The following CASKIN2 variants were observed in gnomAD, a reference collection of about 807,000 sequenced individuals.
CASKIN2 encodes the protein CASK interacting protein 2, also known as caskin-2.
Under a neutral mutation model 107.1 loss-of-function variants are expected in CASKIN2, and 41 were observed. That is an observed-to-expected ratio of 0.38 (90% CI 0.30 to 0.50). The LOEUF is 0.50. CASKIN2 is among the 20% of genes least tolerant of loss of function. The probability of loss-of-function intolerance (pLI) is 0.92; values close to 1 mark genes in which losing one functional copy is unlikely to be tolerated. For synonymous variants in CASKIN2, 724 were observed against 705.6 expected (o/e 1.03, Z -0.41); for missense variants, 1,546 against 1,657.4 (o/e 0.93, Z 1.17).
Position 75,502,401 on chromosome 17 carries a change from C to T in CASKIN2, c.2673G>A (p.Glu891=), listed in dbSNP as rs774665268. 4 of 1,478,740 alleles carry T rather than the reference C, an allele frequency of 2.7e-6. No individual in the cohort carries two copies. Among genetic ancestry groups the T allele is most frequent in the Non-Finnish European group, 3.6e-6 (4 of 1,116,168 alleles). The allele number at this position is 1,478,740 out of a possible 1,614,324, so 91.6% of individuals were successfully genotyped here. The part of the protein sequence containing the change: ...GPSPEPPPLD[E]SPGPKEGATG... Reference sequence around the variant, plus strand: ...TGGCCCCTTCCTTGGGCCCTGGGCTCTCATCTAGTGGAGGTGGCTCCGGGC... The same window carrying T: ...TGGCCCCTTCCTTGGGCCCTGGGCTTTCATCTAGTGGAGGTGGCTCCGGGC... The change falls in exon 18 of 20, where the codon GAG becomes GAA. Residue 891 remains glutamate, a synonymous_variant. Transcript: ENST00000321617. This position sits in a 1 kb window ranked among gnomAD's most constrained non-coding sequence, Gnocchi z 4.3.
chr17:75,501,417 G>A (rs990668912), intron 19 of CASKIN2, 51 bp downstream of exon 19: 1 of 1,551,966 alleles, frequency 6.4e-7, no homozygotes, highest in Non-Finnish European at 8.8e-7. Context: ...AGGATGCAGG[G>A]AGCACTGTTT....
Position 75,504,410 on chromosome 17 carries a change from C to A in CASKIN2, c.1375+10G>T, listed in dbSNP as rs777325935. On this transcript the variant is annotated intron_variant, in intron 13 of 19. Coordinates refer to ENST00000321617, the MANE Select transcript of CASKIN2 (RefSeq NM_020753.5). ...CTCCTAGCCAACCCAGGTCCCCTGA[C>A]CCTTCCTACCTGCCAGGGACGGCGG... 1 of 1,606,184 alleles carries A rather than the reference C, an allele frequency of 6.2e-7. No individual in the cohort carries two copies. The highest frequency in any genetic ancestry group is 1.1e-5 in the South Asian group (1 of 90,672).
At position 75,502,511 on chromosome 17, in the gene CASKIN2, G is replaced by C; in HGVS notation, c.2563C>G (p.Arg855Gly). 6.8e-7 allele frequency: 1 copy of C among 1,473,592 alleles called. No homozygotes were observed. The highest frequency in any genetic ancestry group is 9.0e-7 in the Non-Finnish European group (1 of 1,107,560). 91.3% of individuals were successfully genotyped at this position (1,473,592 alleles called of 1,614,324 possible). The stretch of plus-strand genomic sequence containing the variant: ...GCCCGCAGGGCAAAGGACTGGCTGC[G>C]AGGAGTCCCCCGAGCTGGGGTTGGG... ...VTPTPARGTP[R>G]SQSFALRARR... is the part of the protein sequence containing the mutation. Residue 855 changes from arginine to glycine, a missense_variant, in exon 18 of 20, where the codon CGC becomes GGC. Around this residue, in one of 6 missense-constraint regions of CASKIN2, gnomAD observed 1,311 missense variants for 1,311.0 expected, o/e 1.00. Coordinates refer to ENST00000321617, the MANE Select transcript of CASKIN2 (RefSeq NM_020753.5). The surrounding 1 kb of genome is among the most constrained non-coding windows in gnomAD (Gnocchi z 4.3).
rs1241059895 is a variant in CASKIN2 at position 75,501,096 on chromosome 17, T to C, written c.3593A>G (p.Asp1198Gly). 1 of 1,579,830 alleles carries C rather than the reference T, an allele frequency of 6.3e-7. No individual in the cohort carries two copies. Among genetic ancestry groups the C allele is most frequent in the East Asian group, 2.3e-5 (1 of 43,180 alleles). Residue 1198 changes from aspartate (D) to glycine (G), a missense_variant, in exon 20 of 20, where the codon GAC becomes GGC. This residue lies in a region of CASKIN2 where 1,311 missense variants were observed against 1,311.0 expected (regional missense o/e 1.00). Transcript: ENST00000321617. ...TMFDALADQLDAMLD is the reference protein window; with the variant it reads ...TMFDALADQLGAMLD ...CTGGAGGGCTCAGTCCAGCATGGCG[T>C]CCAGCTGGTCAGCCAGGGCGTCGAA...
In CASKIN2 at chr17:75,508,224, T is replaced by A; in HGVS notation, c.146+10A>T. ...AGCAGCTCTGCAGAGGGACAGGGGC[T>A]CCCACTCACCCATCAGCATCCTGGT... is the stretch of plus-strand genomic sequence containing the variant. On this transcript the variant is annotated intron_variant, in intron 3 of 19. Coordinates refer to ENST00000321617, the MANE Select transcript of CASKIN2 (RefSeq NM_020753.5). 1.2e-6 allele frequency: 2 copies of A among 1,613,446 alleles called. No homozygotes were observed. Among genetic ancestry groups the A allele is most frequent in the South Asian group, 2.2e-5 (2 of 91,024 alleles).
Position 75,505,817 on chromosome 17 carries a change from T to G in CASKIN2, c.835+4A>C. On this transcript the variant is annotated splice_donor_region_variant and intron_variant, in intron 9 of 19. Coordinates refer to ENST00000321617, the MANE Select transcript of CASKIN2 (RefSeq NM_020753.5). The surrounding 1 kb of genome is among the most constrained non-coding windows in gnomAD (Gnocchi z 5.1). The stretch of plus-strand genomic sequence containing the variant: ...CTGGGCAGGGTATCCTCCCCCGCAC[T>G]CACCCCGCAGTAGCTGCTTGATTTC... 1 of 1,611,600 alleles carries G rather than the reference T, an allele frequency of 6.2e-7. No homozygotes were observed. Among genetic ancestry groups the G allele is most frequent in the East Asian group, 2.2e-5 (1 of 44,802 alleles).
rs1252536496 is a variant in CASKIN2, at chr17:75,503,204, G to A, written c.1870C>T (p.Arg624Trp). ...LGVKRLAELR[R>W]GLLQGEALSE... ...AGGGCCTCCCCCTGCAGCAGGCCCC[G>A]CCGAAGCTCCGCCAGCCGCTTCACC... is the stretch of plus-strand genomic sequence containing the variant. The change falls in exon 18 of 20, where the codon CGG (arginine) becomes TGG (tryptophan). Residue 624 changes from arginine (R) to tryptophan (W), a missense_variant. Arg to Trp is a moderately radical substitution (Grantham distance 101). Coordinates refer to ENST00000321617, the MANE Select transcript of CASKIN2 (RefSeq NM_020753.5). The A allele has an allele frequency of 2.1e-5, 33 of 1,595,948 alleles. No individual in the cohort carries two copies. The highest frequency in any genetic ancestry group is 2.5e-5 in the Non-Finnish European group (29 of 1,174,140).
In CASKIN2 at chr17:75,501,776, T is replaced by C. The variant is rs1258069588; in HGVS notation, c.3295+3A>G. ...TGACTCTCCCACAGGCCTCCCCTCT[T>C]ACCTGCTCCGGGCACCTTGAGGAGG... On this transcript the variant is annotated splice_donor_region_variant and intron_variant, in intron 18 of 19. Transcript: ENST00000321617. 1 of 1,532,728 alleles carries C rather than the reference T, an allele frequency of 6.5e-7. No individual in the cohort carries two copies. Among genetic ancestry groups the C allele is most frequent in the East Asian group, 2.3e-5 (1 of 44,214 alleles). The allele number at this position is 1,532,728 out of a possible 1,614,324, so 94.9% of individuals were successfully genotyped here.
rs1276875981 is a variant in CASKIN2 at position 75,506,247 on chromosome 17, A to T, written c.726+58T>A. The T allele has an allele frequency of 1.3e-5, 19 of 1,433,304 alleles. No homozygotes were observed. Among genetic ancestry groups the T allele is most frequent in the Non-Finnish European group, 1.9e-5 (19 of 1,026,782 alleles). The allele number at this position is 1,433,304 out of a possible 1,614,324, so 88.8% of individuals were successfully genotyped here. A position where few individuals can be genotyped will look rare whatever the true frequency, so the allele number is the denominator to read the frequency against. On this transcript the variant is annotated intron_variant, in intron 8 of 19. Coordinates refer to ENST00000321617, the MANE Select transcript of CASKIN2 (RefSeq NM_020753.5). This position sits in a 1 kb window ranked among gnomAD's most constrained non-coding sequence, Gnocchi z 4.8. ...CCGTCCCGTACCTCCCCAGCCAGTC[A>T]GGGGCACAGGGCAGAGGCTCCATGG...
intron 2 of CASKIN2, among the ~76,000 whole-genome samples, chr17:75,512,794 G>C (rs1160258154): frequency 6.6e-6 from 1 of 151,894 alleles, no homozygotes; most frequent in Non-Finnish European, 1.5e-5. Context: ...CAGCTACTCG[G>C]GAGGCTGAGG....
At chr17:75,509,173 C>G (rs1598468882) in intron 2 of CASKIN2, among the ~76,000 whole-genome samples, 2 of 152,254 alleles carry the variant, frequency 1.3e-5, no homozygotes, top group African/African-American at 4.8e-5. Flanking sequence ...GGGCAGGGTT[C>G]AGGCAGGTGT....
chr17:75,507,769 G>A lies in CASKIN2; in HGVS notation c.147-88C>T, dbSNP rs571976227. 25 of 1,025,010 alleles carry A rather than the reference G, an allele frequency of 2.4e-5. No individual in the cohort carries two copies. In the African/African-American group the frequency reaches 3.6e-4, roughly 15 times the overall value. 63.5% of individuals were successfully genotyped at this position (1,025,010 alleles called of 1,614,324 possible). A position where few individuals can be genotyped will look rare whatever the true frequency, so the allele number is the denominator to read the frequency against. On this transcript the variant is annotated intron_variant, in intron 3 of 19. Transcript: ENST00000321617. ...CTTCCATACCCGAACCTATCCTGGG[G>A]GCTGGCAGGGATGGGTTACTGGCCC... is the stretch of plus-strand genomic sequence containing the variant.
intron 2 of CASKIN2, 56 bp downstream of exon 2, chr17:75,513,655 C>A: frequency 7.2e-7 from 1 of 1,397,592 alleles, no homozygotes; most frequent in African/African-American, 1.4e-5. Context: ...ACCCACCAAG[C>A]CTCTGTGAAC....
chr17:75,509,531 C>T, intron 2 of CASKIN2: 1 of 978,014 alleles, frequency 1.0e-6, no homozygotes, highest in Non-Finnish European at 1.2e-6. Context: ...AAAGACAGAG[C>T]CAGGGAGGGA....
In CASKIN2 at chr17:75,504,421, T is replaced by G. The variant is rs745797359; in HGVS notation, c.1374A>C (p.Ala458=). The G allele has an allele frequency of 3.7e-6, 6 of 1,606,702 alleles. No homozygotes were observed. In the East Asian group the frequency reaches 6.7e-5, roughly 18 times the overall value. ...VLPGLHPPSL[A]DNLSHRPLAN... ...CCCAGGTCCCCTGACCCTTCCTACCTGCCAGGGACGGCGGGTGGAGTCCTG... is the reference window on the plus strand; with the variant it reads ...CCCAGGTCCCCTGACCCTTCCTACCGGCCAGGGACGGCGGGTGGAGTCCTG... The change falls in exon 13 of 20, where the codon GCA becomes GCC. Residue 458 remains alanine (A), a splice_region_variant and synonymous_variant. Transcript: ENST00000321617.
chr17:75,504,365 C>T (rs1304868856), intron 13 of CASKIN2, 55 bp downstream of exon 13: 335 of 1,596,332 alleles, frequency 2.1e-4, no homozygotes, highest in Non-Finnish European at 4.5e-5. Flanking sequence ...TGCCCACCCT[C>T]GGCCTCCTTA....
Position 75,503,932 on chromosome 17 carries a change from C to T in CASKIN2, c.1498G>A (p.Glu500Lys), listed in dbSNP as rs756458899. 23 of 1,612,580 alleles carry T rather than the reference C, an allele frequency of 1.4e-5. No homozygotes were observed. Among genetic ancestry groups the T allele is most frequent in the Non-Finnish European group, 1.7e-5 (20 of 1,179,910 alleles). Residue 500 changes from glutamate to lysine, a missense_variant, in exon 15 of 20, where the codon GAG becomes AAG. Physicochemically the swap from Glu to Lys is moderately conservative, Grantham distance 56. Around this residue, in one of 6 missense-constraint regions of CASKIN2, gnomAD observed 1,311 missense variants for 1,311.0 expected, o/e 1.00. Transcript: ENST00000321617. The part of the protein sequence containing the change: ...DAQAIHNWLS[E>K]FQLEGYTAHF... Reference sequence around the variant, plus strand: ...GCAGTGTAGCCCTCCAGCTGGAACTCGCTTAGCCAGTTATGAATGGCCTGC... The same window carrying T: ...GCAGTGTAGCCCTCCAGCTGGAACTTGCTTAGCCAGTTATGAATGGCCTGC...
Position 75,501,960 on chromosome 17 carries a change from C to A in CASKIN2, c.3114G>T (p.Gln1038His), listed in dbSNP as rs778203020. The change falls in exon 18 of 20, where the codon CAG becomes CAT. Residue 1038 changes from glutamine (Q) to histidine (H), a missense_variant. This residue lies in a region of CASKIN2 where 1,311 missense variants were observed against 1,311.0 expected (regional missense o/e 1.00). Transcript: ENST00000321617. ...GGGCTGGAAGGCTGCTGGGCTCGGG[C>A]TGGGGAAGGCTAGAAGCTGGAGGAG... ...GESPPASSLP[Q>H]PEPSSLPAQG... 1.9e-6 allele frequency: 3 copies of A among 1,607,624 alleles called. No homozygotes were observed. The East Asian group carries it at 6.7e-5, about 36-fold the overall frequency.
At position 75,513,866 on chromosome 17, in the gene CASKIN2, AGC is replaced by A; in HGVS notation, c.-64_-63del. On this transcript the variant is annotated 5_prime_UTR_variant, in exon 2 of 20. Transcript: ENST00000321617. ...AGGGCAAAGGCAGGCAACGGGTCCAAGCTGGGGCGTCAGGGCGCCATGCCACA... is the reference window on the plus strand; with the variant it reads ...AGGGCAAAGGCAGGCAACGGGTCCAATGGGGCGTCAGGGCGCCATGCCACA... 2.7e-6 allele frequency: 4 copies of A among 1,505,334 alleles called. No homozygotes were observed. The highest frequency in any genetic ancestry group is 3.7e-6 in the Non-Finnish European group (4 of 1,089,132). The allele number at this position is 1,505,334 out of a possible 1,614,324, so 93.2% of individuals were successfully genotyped here. A position where few individuals can be genotyped will look rare whatever the true frequency, so the allele number is the denominator to read the frequency against.
Sources: gnomAD v4.1 joint callset for allele counts (sites outside exome capture counted in the v4.1 genomes callset) on GRCh38, gnomAD v4.1.1 for gene constraint, gnomAD v4.1.1 regional missense constraint, Gnocchi (gnomAD v3.1) non-coding constraint, MANE v1.5 for transcripts, NCBI Gene and HGNC (gene_info 2026-07-23, HGNC 2026-07-21) for gene names.